MTA3: variants seen among roughly 807,000 people sequenced by gnomAD.
The protein encoded by MTA3 is metastasis associated 1 family member 3, also known as metastasis-associated protein MTA3.
MTA3 carries 34 observed loss-of-function variants against 83.5 expected under a neutral mutation model. The ratio of observed to expected loss-of-function variants is 0.41; its 90% CI spans 0.31 to 0.54. The LOEUF is 0.54. Among genes scored for constraint, MTA3 ranks in the 20% least tolerant of loss-of-function variants. The pLI is 0.33. For synonymous variants in MTA3, 303 were observed against 252.7 expected (o/e 1.20, Z -1.89); for missense variants, 761 against 726.4 (o/e 1.05, Z -0.55).
At chr2:42,672,877 G>A (rs1573565638) in intron 8 of MTA3, among the ~76,000 whole-genome samples, 1 of 137,088 alleles carries the variant, frequency 7.3e-6, no homozygotes, top group Non-Finnish European at 1.5e-5. Flanking sequence ...GACGGAGTCT[G>A]CCTCTGTCAC....
At chr2:42,743,017 C>G (rs1484873842) in intron 16 of MTA3, among the ~76,000 whole-genome samples, 1 of 152,168 alleles carries the variant, frequency 6.6e-6, no homozygotes, top group Admixed American at 6.5e-5. Context: ...ATAGGAAGGA[C>G]TCACTTAGCT....
chr2:42,756,745 T>C lies in MTA3; in HGVS notation c.*3346T>C. On this transcript the variant is annotated 3_prime_UTR_variant, in exon 17 of 17. Transcript: ENST00000405094. ...AGGAAGGCCATGTCCCAGTTTTCTGTCCACCCCTCCTGTTCCTCTGCACTA... is the reference window on the plus strand; with the variant it reads ...AGGAAGGCCATGTCCCAGTTTTCTGCCCACCCCTCCTGTTCCTCTGCACTA... 2 of 985,426 alleles carry C rather than the reference T, an allele frequency of 2.0e-6. No homozygotes were observed. The highest frequency in any genetic ancestry group is 2.4e-6 in the Non-Finnish European group (2 of 829,954). 61.0% of individuals were successfully genotyped at this position (985,426 alleles called of 1,614,324 possible).
At chr2:42,514,207 C>T (rs183249365) in intron 2 of MTA3, among the ~76,000 whole-genome samples, 2 of 151,054 alleles carry the variant, frequency 1.3e-5, no homozygotes, top group African/African-American at 4.9e-5. Flanking sequence ...AATGAGACTC[C>T]GTCTCAAAAA....
intron 2 of MTA3, among the ~76,000 whole-genome samples, chr2:42,549,385 T>C (rs1471387308): frequency 1.0e-4 from 12 of 120,150 alleles, no homozygotes; most frequent in African/African-American, 2.3e-4. Context: ...ATAAAATATA[T>C]GTATATATTA....
At chr2:42,538,216 C>T (rs532495206) in intron 2 of MTA3, among the ~76,000 whole-genome samples, 1 of 151,384 alleles carries the variant, frequency 6.6e-6, no homozygotes, top group South Asian at 2.1e-4. Context: ...CTGGGCGACA[C>T]AGCGAGACTC....
At chr2:42,641,798 G>A (rs1014337018) in intron 5 of MTA3, among the ~76,000 whole-genome samples, 4 of 151,996 alleles carry the variant, frequency 2.6e-5, no homozygotes, top group Non-Finnish European at 5.9e-5. Flanking sequence ...TCTGGGAGGC[G>A]GAGGTTGCAG....
At position 42,498,959 on chromosome 2, in the gene MTA3, A is replaced by C. The variant is rs577093196; in HGVS notation, c.-141+3705A>C. On this transcript the variant is annotated intron_variant, in intron 2 of 17. Coordinates refer to the MTA3 transcript ENST00000405592. ...CATCTATTTTCGTCTCTCAGATTAC[A>C]AAGGTAGAGCTGTAACTCAATAGCA... Among the ~76,000 whole-genome samples, 22 of 152,276 alleles carry C rather than the reference A, an allele frequency of 1.4e-4. No homozygotes were observed. In the South Asian group the frequency reaches 4.1e-3, roughly 29 times the overall value.
chr2:42,710,492 A>C (rs368193489), intron 14 of MTA3, among the ~76,000 whole-genome samples: 3 of 145,014 alleles, frequency 2.1e-5, no homozygotes, highest in African/African-American at 7.6e-5. Flanking sequence ...CAGAGGTTGC[A>C]GTGAGCTGAG....
At chr2:42,594,980 CCTGACCTCATGAT>C (rs935063146) in intron 3 of MTA3, among the ~76,000 whole-genome samples, 1 of 147,594 alleles carries the variant, frequency 6.8e-6, no homozygotes, top group Admixed American at 7.0e-5. Flanking sequence ...GTCTTGATCT[CCTGACCTCATGAT>C]CTGCCTGCCT....
At chr2:42,686,260 T>C (rs1384347279) in intron 9 of MTA3, among the ~76,000 whole-genome samples, 2 of 152,232 alleles carry the variant, frequency 1.3e-5, no homozygotes, top group East Asian at 3.8e-4. Context: ...TATTTTTATA[T>C]TTAGTGGTTA....
chr2:42,512,092 T>C (rs1365092209), intron 2 of MTA3, among the ~76,000 whole-genome samples: 1 of 151,234 alleles, frequency 6.6e-6, no homozygotes, highest in Non-Finnish European at 1.5e-5. Context: ...CTGAGAAGTA[T>C]AGCAATCTGG....
chr2:42,494,306 G>T (rs796238340), upstream of MTA3, among the ~76,000 whole-genome samples: 6 of 152,288 alleles, frequency 3.9e-5, no homozygotes, highest in African/African-American at 1.4e-4. Flanking sequence ...GGGCCATCGG[G>T]ATGAATTGGG....
chr2:42,647,705 T>C (rs1688345433), intron 6 of MTA3, among the ~76,000 whole-genome samples: 1 of 152,354 alleles, frequency 6.6e-6, no homozygotes, highest in African/African-American at 2.4e-5. Context: ...ATCGATTTTA[T>C]TGAAAAATAC....
intron 6 of MTA3, among the ~76,000 whole-genome samples, chr2:42,654,726 C>CG (rs1689007847): frequency 1.3e-5 from 2 of 152,146 alleles, no homozygotes; most frequent in African/African-American, 2.4e-5. Context: ...GCAGCCTTTC[C>CG]ACCTCAGCTT....
At chr2:42,601,407 T>C (rs1238917214) in intron 3 of MTA3, among the ~76,000 whole-genome samples, 2 of 152,212 alleles carry the variant, frequency 1.3e-5, no homozygotes. Context: ...TATTAAGTTT[T>C]TCCAGTGTGG....
chr2:42,646,107 A>G (rs1688155728), intron 6 of MTA3, among the ~76,000 whole-genome samples: 1 of 152,224 alleles, frequency 6.6e-6, no homozygotes, highest in African/African-American at 2.4e-5. Flanking sequence ...CAAAGCCTAA[A>G]TGACAGCACC....
At chr2:42,647,327 G>T (rs1688307211) in intron 6 of MTA3, among the ~76,000 whole-genome samples, 1 of 151,584 alleles carries the variant, frequency 6.6e-6, no homozygotes, top group African/African-American at 2.4e-5. Context: ...GGGTTCAAAC[G>T]ATTCCTGTGC....
intron 9 of MTA3, among the ~76,000 whole-genome samples, chr2:42,684,888 T>G (rs1692232186): frequency 1.3e-5 from 2 of 152,204 alleles, no homozygotes; most frequent in Non-Finnish European, 2.9e-5. Flanking sequence ...ATCAAGAGAT[T>G]GAAATATACA....
At chr2:42,549,003 C>T (rs1676942127) in intron 2 of MTA3, among the ~76,000 whole-genome samples, 2 of 133,800 alleles carry the variant, frequency 1.5e-5, no homozygotes, top group South Asian at 4.5e-4. Flanking sequence ...GGAGAAACCC[C>T]ATTTCTACTA....
Sources: gnomAD v4.1 joint callset for allele counts (sites outside exome capture counted in the v4.1 genomes callset) on GRCh38, gnomAD v4.1.1 for gene constraint, MANE v1.5 for transcripts, NCBI Gene and HGNC (gene_info 2026-07-23, HGNC 2026-07-21) for gene names.